MAGI2: variants seen among roughly 807,000 people sequenced by gnomAD.
MAGI2 encodes membrane-associated guanylate kinase, WW and PDZ domain-containing protein 2.
A neutral mutation model predicts 133.3 loss-of-function variants in MAGI2; 35 were observed. That is an observed-to-expected ratio of 0.26 (90% confidence interval 0.20 to 0.35). MAGI2 has a LOEUF of 0.35. MAGI2 is among the 10% of genes least tolerant of loss of function. MAGI2 has a pLI of 1.00. For synonymous variants in MAGI2, 729 were observed against 710.6 expected (o/e 1.03, Z -0.41); for missense variants, 1,636 against 1,863.4 (o/e 0.88, Z 2.25).
At chr7:78,575,046 T>C (rs944893371) in intron 3 of MAGI2, among the ~76,000 whole-genome samples, 4 of 152,210 alleles carry the variant, frequency 2.6e-5, no homozygotes, top group Non-Finnish European at 4.4e-5. Context: ...CTAATGTTTT[T>C]AATTTCACTG....
At chr7:79,415,267 T>C (rs1423126618) in intron 1 of MAGI2, 1 of 152,180 alleles carries the variant, frequency 6.6e-6, no homozygotes, top group East Asian at 1.9e-4. Context: ...GTCAAAGTTT[T>C]CTTCCTGAAT....
intron 2 of MAGI2, among the ~76,000 whole-genome samples, chr7:78,851,925 C>G (rs1348096107): frequency 6.6e-6 from 1 of 152,146 alleles, no homozygotes; most frequent in East Asian, 1.9e-4. Flanking sequence ...GAACACAAAA[C>G]ACATACCTGC....
At chr7:78,688,698 G>T (rs1816642336) in intron 2 of MAGI2, among the ~76,000 whole-genome samples, 1 of 152,164 alleles carries the variant, frequency 6.6e-6, no homozygotes, top group South Asian at 2.1e-4. Flanking sequence ...TGGCTCCTTT[G>T]AAGTGAGAGG....
intron 1 of MAGI2, among the ~76,000 whole-genome samples, chr7:79,420,083 T>C (rs1469574454): frequency 6.6e-6 from 1 of 152,056 alleles, no homozygotes; most frequent in Non-Finnish European, 1.5e-5. Context: ...CCATCTAACC[T>C]AATTTTAGAT....
rs1046395079 is a variant in MAGI2, at chr7:78,466,771, T to C, written c.1045+22990A>G. Among the ~76,000 whole-genome samples the C allele has an allele frequency of 3.3e-5, 5 of 152,076 alleles. No individual in the cohort carries two copies. The South Asian group carries it at 1.0e-3, about 32-fold the overall frequency. ...TTTAATAGACAGGATAATCCTACAG[T>C]GTAGACAAGATCATGGCATAGGGTT... On this transcript the variant is annotated intron_variant, in intron 6 of 21. Transcript: ENST00000354212.
At chr7:78,325,786 T>G (rs1348059326) in intron 9 of MAGI2, among the ~76,000 whole-genome samples, 2 of 152,178 alleles carry the variant, frequency 1.3e-5, no homozygotes, top group Non-Finnish European at 2.9e-5. Flanking sequence ...GGGAGCCCAT[T>G]GGTGCAGTGA....
chr7:78,917,003 A>C (rs1584383639), intron 2 of MAGI2, among the ~76,000 whole-genome samples: 2 of 152,256 alleles, frequency 1.3e-5, no homozygotes, highest in East Asian at 3.9e-4. Context: ...TTTGGTGAGA[A>C]GGAGGTAAAG....
At chr7:78,870,569 G>T (rs1158787159) in intron 2 of MAGI2, among the ~76,000 whole-genome samples, 1 of 152,130 alleles carries the variant, frequency 6.6e-6, no homozygotes, top group Non-Finnish European at 1.5e-5. Flanking sequence ...CGTGGATGTT[G>T]TGAAAATGGA....
At chr7:78,920,659 C>T (rs912341389) in intron 2 of MAGI2, among the ~76,000 whole-genome samples, 2 of 152,106 alleles carry the variant, frequency 1.3e-5, no homozygotes, top group Non-Finnish European at 2.9e-5. Context: ...TTTATATCCT[C>T]CAAGCTAATT....
At chr7:78,985,871 T>G (rs1805209160) in intron 2 of MAGI2, among the ~76,000 whole-genome samples, 3 of 152,104 alleles carry the variant, frequency 2.0e-5, no homozygotes, top group Non-Finnish European at 4.4e-5. Context: ...AATTCTGATT[T>G]GTAGAACACT....
intron 2 of MAGI2, among the ~76,000 whole-genome samples, chr7:78,966,821 C>A (rs1285237399): frequency 1.4e-5 from 2 of 141,528 alleles, no homozygotes; most frequent in Non-Finnish European, 1.5e-5. Context: ...TTCTCCAGAT[C>A]TTTGCCTACA....
intron 6 of MAGI2, among the ~76,000 whole-genome samples, chr7:78,448,397 T>C (rs1321084241): frequency 1.3e-5 from 2 of 152,000 alleles, no homozygotes; most frequent in Admixed American, 6.6e-5. Flanking sequence ...ACATCAACAG[T>C]ATAAAAGAGC....
At chr7:78,229,929 C>CTAATCT (rs1480439983) in intron 10 of MAGI2, among the ~76,000 whole-genome samples, 2 of 152,168 alleles carry the variant, frequency 1.3e-5, no homozygotes, top group African/African-American at 2.4e-5. Context: ...ATCTAGTAAA[C>CTAATCT]AGGGATTAGT....
intron 2 of MAGI2, among the ~76,000 whole-genome samples, chr7:78,801,858 A>G (rs1788086169): frequency 6.6e-6 from 1 of 152,090 alleles, no homozygotes; most frequent in Non-Finnish European, 1.5e-5. Flanking sequence ...CTCCTCCTTT[A>G]TCTATTGTTA....
chr7:79,211,485 G>T (rs561752948), intron 1 of MAGI2, among the ~76,000 whole-genome samples: 1 of 150,742 alleles, frequency 6.6e-6, no homozygotes, highest in Admixed American at 6.6e-5. Flanking sequence ...TTTGAGGCAG[G>T]GTCTCACTGT....
intron 4 of MAGI2, among the ~76,000 whole-genome samples, chr7:78,510,887 C>A (rs552963006): frequency 6.6e-6 from 1 of 152,128 alleles, no homozygotes; most frequent in African/African-American, 2.4e-5. Context: ...AAAGCTTGGT[C>A]TTCTCATATA....
At chr7:79,191,114 ATCT>A (rs1208403779) in intron 1 of MAGI2, among the ~76,000 whole-genome samples, 1 of 151,682 alleles carries the variant, frequency 6.6e-6, no homozygotes, top group African/African-American at 2.4e-5. Context: ...GGGCAAATTC[ATCT>A]TCTTTTTTTA....
chr7:78,742,762 T>C (rs1255122649), intron 2 of MAGI2, among the ~76,000 whole-genome samples: 1 of 152,144 alleles, frequency 6.6e-6, no homozygotes, highest in Admixed American at 6.5e-5. Flanking sequence ...TTGTGACCAA[T>C]AGATAGTGAC....
chr7:78,822,680 A>G (rs1790230170), intron 2 of MAGI2, among the ~76,000 whole-genome samples: 1 of 152,206 alleles, frequency 6.6e-6, no homozygotes, highest in South Asian at 2.1e-4. Flanking sequence ...ATATACTACT[A>G]AAAAGTTTTT....
Sources: gnomAD v4.1 joint callset for allele counts (sites outside exome capture counted in the v4.1 genomes callset) on GRCh38, gnomAD v4.1.1 for gene constraint, MANE v1.5 for transcripts, NCBI Gene and HGNC (gene_info 2026-07-23, HGNC 2026-07-21) for gene names.